DLG2: variants seen among roughly 807,000 people sequenced by gnomAD.
DLG2 encodes the protein disks large homolog 2.
In DLG2, 45 loss-of-function variants were observed where a neutral mutation model predicts 132.5. The ratio of observed to expected loss-of-function variants is 0.34; its 90% CI spans 0.27 to 0.44. DLG2 has a LOEUF of 0.44. Ranked by LOEUF, DLG2 falls within the 20% of genes least tolerant of loss-of-function variation. The probability of loss-of-function intolerance (pLI) is 1.00; values close to 1 mark genes in which losing one functional copy is unlikely to be tolerated. For missense variants in DLG2, 1,045 were observed against 1,196.9 expected, an observed-to-expected ratio of 0.87 and a Z score of 1.87; for synonymous variants, 424 against 419.6, an observed-to-expected ratio of 1.01 and a Z score of -0.13.
At chr11:84,502,162 C>CCTT (rs2099209330) in intron 7 of DLG2, among the ~76,000 whole-genome samples, 2 of 46,700 alleles carry the variant, frequency 4.3e-5, no homozygotes, top group Admixed American at 1.5e-4. Flanking sequence ...TCCTTCCTTT[C>CCTT]TCTCTCTCTC....
intron 17 of DLG2, among the ~76,000 whole-genome samples, chr11:83,818,998 G>A (rs2049911813): frequency 6.6e-6 from 1 of 152,106 alleles, no homozygotes; most frequent in Non-Finnish European, 1.5e-5. Flanking sequence ...ACACACAAAG[G>A]AGATGCTAAG....
At chr11:84,958,469 G>A (rs539664119) in intron 6 of DLG2, among the ~76,000 whole-genome samples, 2 of 152,286 alleles carry the variant, frequency 1.3e-5, no homozygotes, top group South Asian at 2.1e-4. Context: ...GGAACATAGG[G>A]CTTCCAAATT....
chr11:85,516,339 A>G (rs1053223532), intron 3 of DLG2, among the ~76,000 whole-genome samples: 8 of 152,082 alleles, frequency 5.3e-5, no homozygotes, highest in African/African-American at 1.9e-4. Context: ...ATACATCCAA[A>G]GGACAGAAAG....
chr11:83,993,395 A>C lies in DLG2; in HGVS notation c.920-12753T>G, dbSNP rs751822406. Among the ~76,000 whole-genome samples, 41 of 152,286 alleles carry C rather than the reference A, an allele frequency of 2.7e-4. No individual in the cohort carries two copies. In the Middle Eastern group the frequency reaches 0.01, roughly 38 times the overall value. The stretch of plus-strand genomic sequence containing the variant: ...AAGGGGGAAAAAGTATATGTTGAGC[A>C]TTTTTAATGTGCCAACTACTATATT... On this transcript the variant is annotated intron_variant, in intron 11 of 27. Coordinates refer to ENST00000376104, the MANE Select transcript of DLG2 (RefSeq NM_001142699.3).
intron 21 of DLG2, among the ~76,000 whole-genome samples, chr11:83,495,833 A>G (rs1175947510): frequency 1.3e-5 from 2 of 152,168 alleles, no homozygotes; most frequent in Non-Finnish European, 2.9e-5. Flanking sequence ...AAAATTATTA[A>G]GGGATAGATT....
intron 6 of DLG2, among the ~76,000 whole-genome samples, chr11:84,860,142 A>T (rs1355515602): frequency 6.6e-6 from 1 of 152,116 alleles, no homozygotes; most frequent in Non-Finnish European, 1.5e-5. Flanking sequence ...CAAATAAATA[A>T]ATTTCAACCT....
intron 7 of DLG2, among the ~76,000 whole-genome samples, chr11:84,254,702 T>C (rs2097437793): frequency 6.6e-6 from 1 of 152,184 alleles, no homozygotes; most frequent in South Asian, 2.1e-4. Context: ...AATAATTTCA[T>C]AACTCTAGGA....
At chr11:85,385,785 G>T (rs1375980303) in intron 3 of DLG2, among the ~76,000 whole-genome samples, 2 of 152,194 alleles carry the variant, frequency 1.3e-5, no homozygotes, top group Non-Finnish European at 2.9e-5. Flanking sequence ...AACAACAGGT[G>T]CTCTGAACAG....
intron 6 of DLG2, among the ~76,000 whole-genome samples, chr11:84,927,507 A>G (rs1240114867): frequency 6.6e-6 from 1 of 152,012 alleles, no homozygotes; most frequent in East Asian, 1.9e-4. Flanking sequence ...GCCTTAGAGC[A>G]TGGGTCAGCA....
At chr11:84,842,217 T>C (rs1343102249) in intron 6 of DLG2, among the ~76,000 whole-genome samples, 1 of 152,004 alleles carries the variant, frequency 6.6e-6, no homozygotes, top group Non-Finnish European at 1.5e-5. Flanking sequence ...AGGTTTCTAC[T>C]ATAAACCAGA....
intron 4 of DLG2, among the ~76,000 whole-genome samples, chr11:85,182,599 GAGAA>G (rs1462376745): frequency 1.3e-5 from 2 of 151,500 alleles, no homozygotes; most frequent in Admixed American, 6.6e-5. Context: ...AGAAAAGAAA[GAGAA>G]AGAGAAATGG....
chr11:84,209,792 A>G (rs999606434), intron 8 of DLG2, among the ~76,000 whole-genome samples: 1 of 152,222 alleles, frequency 6.6e-6, no homozygotes, highest in African/African-American at 2.4e-5. Context: ...GCTAAAATTA[A>G]AAAGATGAAC....
intron 15 of DLG2, among the ~76,000 whole-genome samples, chr11:83,926,959 T>C (rs2079091887): frequency 6.6e-6 from 1 of 152,122 alleles, no homozygotes. Flanking sequence ...AGGTGCCTAA[T>C]GGATTTATAA....
chr11:85,176,208 A>C (rs529707247), intron 4 of DLG2, among the ~76,000 whole-genome samples: 1 of 152,342 alleles, frequency 6.6e-6, no homozygotes, highest in East Asian at 1.9e-4. Context: ...ACCTGACTTC[A>C]AACTATACTA....
intron 6 of DLG2, among the ~76,000 whole-genome samples, chr11:84,537,280 T>A (rs1371531171): frequency 6.6e-6 from 1 of 152,048 alleles, no homozygotes; most frequent in Non-Finnish European, 1.5e-5. Flanking sequence ...CTATTTTTTT[T>A]ATTTTTAGTA....
At chr11:83,868,282 C>T (rs1187378618) in intron 16 of DLG2, among the ~76,000 whole-genome samples, 1 of 152,148 alleles carries the variant, frequency 6.6e-6, no homozygotes, top group South Asian at 2.1e-4. Flanking sequence ...GGACTCTCAA[C>T]CAAAGCTTTC....
intron 18 of DLG2, among the ~76,000 whole-genome samples, chr11:83,661,383 C>G (rs2074232110): frequency 6.6e-6 from 1 of 151,972 alleles, no homozygotes; most frequent in Non-Finnish European, 1.5e-5. Context: ...TCTACTATTC[C>G]TATCATTTTT....
intron 3 of DLG2, among the ~76,000 whole-genome samples, chr11:85,401,332 C>T (rs1014513034): frequency 8.6e-5 from 13 of 152,016 alleles, no homozygotes; most frequent in African/African-American, 1.7e-4. Flanking sequence ...GTTGATGGAA[C>T]GTATCTCAAA....
intron 3 of DLG2, among the ~76,000 whole-genome samples, chr11:85,409,258 C>T (rs375883139): frequency 1.3e-5 from 2 of 151,800 alleles, no homozygotes; most frequent in South Asian, 2.1e-4. Context: ...AAAATGAAAG[C>T]TTCAGGCCTT....
Sources: allele counts gnomAD v4.1 joint callset (sites outside exome capture counted in the v4.1 genomes callset), GRCh38; gene constraint gnomAD v4.1.1; transcripts MANE v1.5; gene names NCBI Gene and HGNC (gene_info 2026-07-23, HGNC 2026-07-21).